The following YEATS4 variants were observed in gnomAD, a reference collection of about 807,000 sequenced individuals.
YEATS4 encodes YEATS domain-containing protein 4.
YEATS4 carries 17 observed loss-of-function variants against 30.1 expected under a neutral mutation model. That is an observed-to-expected ratio of 0.56 (90% CI 0.39 to 0.85). The LOEUF is 0.85. YEATS4 is among the 40% of genes least tolerant of loss of function. YEATS4 has a pLI of 0.00. For missense variants in YEATS4, 142 were observed against 268.3 expected, an observed-to-expected ratio of 0.53 and a Z score of 3.29; for synonymous variants, 85 against 87.5, an observed-to-expected ratio of 0.97 and a Z score of 0.16.
rs749416554 is a variant in YEATS4, at chr12:69,390,200, A to G, written c.568A>G (p.Thr190Ala). The change falls in exon 7 of 7, where the codon ACA becomes GCA. Residue 190 changes from threonine to alanine, a missense_variant. Thr to Ala is a moderately conservative substitution (Grantham distance 58). Coordinates refer to ENST00000247843, the MANE Select transcript of YEATS4 (RefSeq NM_006530.4). ...AAAATTAGAAGCTGCTAAGAAAAAA[A>G]CAAGCTTTGAGATTGCAGAGCTTAA... ...REKLEAAKKK[T>A]SFEIAELKER... 1 of 1,599,412 alleles carries G rather than the reference A, an allele frequency of 6.3e-7. No individual in the cohort carries two copies. Among genetic ancestry groups the G allele is most frequent in the Non-Finnish European group, 8.5e-7 (1 of 1,176,680 alleles).
the YEATS4 span, among the ~76,000 whole-genome samples, chr12:69,420,741 T>G: frequency 7.2e-6 from 1 of 138,370 alleles, no homozygotes; most frequent in Non-Finnish European, 1.5e-5. Context: ...TATGTGAACT[T>G]TAACACAATA....
chr12:69,364,380 C>CTTATAATTTAAAATTTA (rs1875349078), intron 2 of YEATS4: 2 of 184,578 alleles, frequency 1.1e-5, no homozygotes, highest in Middle Eastern at 1.9e-3. Flanking sequence ...TTTAAAAATT[C>CTTATAATTTAAAATTTA]CTAAAAGTAA....
the YEATS4 span, among the ~76,000 whole-genome samples, chr12:69,396,135 C>A: frequency 2.6e-5 from 4 of 152,120 alleles, no homozygotes; most frequent in Non-Finnish European, 5.9e-5. Context: ...TGTTCTCTAC[C>A]CTCAACACGG....
intron 6 of YEATS4, among the ~76,000 whole-genome samples, chr12:69,389,649 G>T (rs1263551424): frequency 6.6e-6 from 1 of 150,452 alleles, no homozygotes; most frequent in Non-Finnish European, 1.5e-5. Context: ...GAGTAGCTGG[G>T]ATTACAGGTG....
At chr12:69,380,424 TG>T (rs1274652469) in intron 6 of YEATS4, among the ~76,000 whole-genome samples, 1 of 152,230 alleles carries the variant, frequency 6.6e-6, no homozygotes, top group Non-Finnish European at 1.5e-5. Flanking sequence ...CAGAGACTCT[TG>T]TTCTCGTCCC....
At chr12:69,395,272 A>G (rs1431845044), downstream of YEATS4, among the ~76,000 whole-genome samples, 2 of 152,182 alleles carry the variant, frequency 1.3e-5, no homozygotes, top group East Asian at 1.9e-4. Flanking sequence ...CAAGATATGT[A>G]CAAGAATTTT....
At chr12:69,408,344 G>A in the YEATS4 span, among the ~76,000 whole-genome samples, 7 of 152,312 alleles carry the variant, frequency 4.6e-5, no homozygotes, top group South Asian at 2.1e-4. Context: ...TGAATTCAGT[G>A]TGGATGACGG....
chr12:69,396,818 A>C, the YEATS4 span, among the ~76,000 whole-genome samples: 1 of 152,102 alleles, frequency 6.6e-6, no homozygotes, highest in East Asian at 1.9e-4. Flanking sequence ...CATCCATACA[A>C]AGTTTCTCTT....
At position 69,390,661 on chromosome 12, in the gene YEATS4, G is replaced by A. The variant is rs923529718; in HGVS notation, c.*345G>A. ...ATAAAGTATTACTTGTACAAATTTT[G>A]TACTTCTTTAGTGGCTAGAATTAGT... On this transcript the variant is annotated 3_prime_UTR_variant, in exon 7 of 7. Transcript: ENST00000247843. The A allele has an allele frequency of 6.4e-6, 1 of 155,358 alleles. No individual in the cohort carries two copies. Among genetic ancestry groups the A allele is most frequent in the Non-Finnish European group, 1.4e-5 (1 of 70,004 alleles). The allele number at this position is 155,358 out of a possible 1,614,324, so 9.6% of individuals were successfully genotyped here.
the YEATS4 span, among the ~76,000 whole-genome samples, chr12:69,397,962 G>T: frequency 6.6e-6 from 1 of 151,942 alleles, no homozygotes; most frequent in Non-Finnish European, 1.5e-5. Context: ...ATAGAACAAA[G>T]GACACAAAAT....
At chr12:69,407,690 A>C in the YEATS4 span, among the ~76,000 whole-genome samples, 1 of 145,216 alleles carries the variant, frequency 6.9e-6, no homozygotes, top group Non-Finnish European at 1.5e-5. Context: ...TCTAAGTACA[A>C]ATACTTTTTG....
chr12:69,369,444 G>A (rs541163170), intron 4 of YEATS4, among the ~76,000 whole-genome samples: 2 of 152,152 alleles, frequency 1.3e-5, no homozygotes, highest in South Asian at 4.1e-4. Context: ...AGGCACTAAA[G>A]GTAGATATGC....
At chr12:69,384,545 A>C (rs531000406) in intron 6 of YEATS4, among the ~76,000 whole-genome samples, 139 of 152,360 alleles carry the variant, frequency 9.1e-4, no homozygotes, top group Middle Eastern at 6.8e-3. Flanking sequence ...TTTTGGGAAG[A>C]AAACTTAATT....
intron 6 of YEATS4, 79 bp downstream of exon 6, chr12:69,371,054 C>A: frequency 7.1e-7 from 1 of 1,400,070 alleles, no homozygotes; most frequent in East Asian, 2.4e-5. Context: ...GTGCCTTTTA[C>A]ACTTTAAAAA....
chr12:69,390,456 A>G lies in YEATS4; in HGVS notation c.*140A>G, dbSNP rs1868304554. Reference sequence around the variant, plus strand: ...TGTTGACCATGAATTTCTTAGCAATAGGAATTTGTACTATTTAAGCAATCT... The same window carrying G: ...TGTTGACCATGAATTTCTTAGCAATGGGAATTTGTACTATTTAAGCAATCT... On this transcript the variant is annotated 3_prime_UTR_variant, in exon 7 of 7. Coordinates refer to ENST00000247843, the MANE Select transcript of YEATS4 (RefSeq NM_006530.4). The G allele has an allele frequency of 1.4e-6, 1 of 735,202 alleles. No individual in the cohort carries two copies. The highest frequency in any genetic ancestry group is 2.0e-6 in the Non-Finnish European group (1 of 489,898). 45.5% of individuals were successfully genotyped at this position (735,202 alleles called of 1,614,324 possible).
At chr12:69,405,242 T>C in the YEATS4 span, among the ~76,000 whole-genome samples, 1 of 152,232 alleles carries the variant, frequency 6.6e-6, no homozygotes, top group Non-Finnish European at 1.5e-5. Flanking sequence ...AAACTTCAAA[T>C]AGAACTAAAC....
chr12:69,383,464 A>G (rs902735733), intron 6 of YEATS4, among the ~76,000 whole-genome samples: 6 of 152,218 alleles, frequency 3.9e-5, no homozygotes, highest in Non-Finnish European at 7.3e-5. Context: ...GATAGAAAAG[A>G]GGTCCAAAGA....
chr12:69,362,879 C>T lies in YEATS4; in HGVS notation c.143C>T (p.Thr48Ile), dbSNP rs1182392103. 1 of 1,603,122 alleles carries T rather than the reference C, an allele frequency of 6.2e-7. No homozygotes were observed. Among genetic ancestry groups the T allele is most frequent in the Non-Finnish European group, 8.5e-7 (1 of 1,173,866 alleles). The change falls in exon 2 of 7, where the codon ACA becomes ATA. Residue 48 changes from threonine (T) to isoleucine (I), a missense_variant. Physicochemically the swap from Thr to Ile is moderately conservative, Grantham distance 89. Around this residue, in one of 3 missense-constraint regions of YEATS4, gnomAD observed 64 missense variants for 164.0 expected, o/e 0.39. Transcript: ENST00000247843. ...REEDGHTHQW[T>I]VYVKPYRNED... Reference sequence around the variant, plus strand: ...GAAGATGGGCACACTCATCAGTGGACAGTATATGTGAAACCATATAGAAAT... The same window carrying T: ...GAAGATGGGCACACTCATCAGTGGATAGTATATGTGAAACCATATAGAAAT...
the YEATS4 span, among the ~76,000 whole-genome samples, chr12:69,417,559 G>A: frequency 2.0e-5 from 3 of 152,090 alleles, no homozygotes; most frequent in Admixed American, 1.3e-4. Context: ...TGCCTTGGTA[G>A]GAGGCTAAAA....
Sources: gnomAD v4.1 joint callset for allele counts (sites outside exome capture counted in the v4.1 genomes callset) on GRCh38, gnomAD v4.1.1 for gene constraint, gnomAD v4.1.1 regional missense constraint, MANE v1.5 for transcripts, NCBI Gene and HGNC (gene_info 2026-07-23, HGNC 2026-07-21) for gene names.